Variants in CLYBL observed in about 807,000 individuals in gnomAD.
The protein encoded by CLYBL is citramalyl-CoA lyase, mitochondrial.
Under a neutral mutation model 38.9 loss-of-function variants are expected in CLYBL, and 31 were observed. That is an observed-to-expected ratio of 0.80 (90% CI 0.60 to 1.08). The LOEUF (loss-of-function observed/expected upper bound fraction) is 1.08. Among genes scored for constraint, CLYBL ranks in the 50% least tolerant of loss-of-function variants. The pLI is 0.00. For synonymous variants in CLYBL, 171 were observed against 158.6 expected (o/e 1.08, Z -0.59); for missense variants, 434 against 411.6 (o/e 1.05, Z -0.47).
At chr13:99,754,658 C>T (rs962378504) in intron 1 of CLYBL, among the ~76,000 whole-genome samples, 4 of 151,128 alleles carry the variant, frequency 2.6e-5, no homozygotes, top group African/African-American at 7.3e-5. Context: ...GTTCTCAGCT[C>T]ACTGCAACCT....
chr13:99,645,187 G>T (rs1361851789), intron 1 of CLYBL, among the ~76,000 whole-genome samples: 2 of 152,096 alleles, frequency 1.3e-5, no homozygotes, highest in Non-Finnish European at 2.9e-5. Flanking sequence ...ATTTGTTATT[G>T]CCTATCTTTT....
rs567836752 is a variant in CLYBL, at chr13:99,764,420, C to T, written c.63-8404C>T. On this transcript the variant is annotated intron_variant, in intron 1 of 8. Coordinates refer to ENST00000339105, the MANE Select transcript of CLYBL (RefSeq NM_206808.5). The stretch of plus-strand genomic sequence containing the variant: ...TTATTATGGCTTCAGTATCACTACT[C>T]GTTATTGGTTTATTGAGTTTTCCTA... 2.2e-4 allele frequency among the ~76,000 whole-genome samples: 34 copies of T among 152,156 alleles called. 1 individual carries two copies. The highest frequency in any genetic ancestry group is 3.2e-4 in the Non-Finnish European group (22 of 67,992).
At chr13:99,674,671 T>C (rs1341763901) in intron 1 of CLYBL, among the ~76,000 whole-genome samples, 1 of 152,100 alleles carries the variant, frequency 6.6e-6, no homozygotes, top group Non-Finnish European at 1.5e-5. Flanking sequence ...TGTCTTAATG[T>C]TGGACACTCC....
intron 9 of CLYBL, among the ~76,000 whole-genome samples, chr13:99,906,516 C>T (rs185542990): frequency 2.5e-4 from 38 of 152,066 alleles, no homozygotes; most frequent in African/African-American, 9.2e-4. Context: ...CTCCGCCTCC[C>T]GGGTTCAAGC....
chr13:99,741,914 C>T (rs1371186006), intron 1 of CLYBL, among the ~76,000 whole-genome samples: 2 of 152,198 alleles, frequency 1.3e-5, no homozygotes, highest in Admixed American at 6.5e-5. Flanking sequence ...TACCATTCTG[C>T]ATCAGTAGTT....
At chr13:99,877,939 CT>C (rs962789039) in intron 7 of CLYBL, among the ~76,000 whole-genome samples, 12 of 151,716 alleles carry the variant, frequency 7.9e-5, no homozygotes, top group East Asian at 5.8e-4. Flanking sequence ...CTATAATTGT[CT>C]TTTTTTTCCC....
At chr13:99,625,399 C>T (rs891435123) in intron 1 of CLYBL, among the ~76,000 whole-genome samples, 2 of 152,114 alleles carry the variant, frequency 1.3e-5, no homozygotes, top group African/African-American at 2.4e-5. Flanking sequence ...GCCCAGGGTT[C>T]GGCCAAGGAA....
rs79675964 is a variant in CLYBL at position 99,831,372 on chromosome 13, C to T, written c.250-27489C>T. Among the ~76,000 whole-genome samples the T allele has an allele frequency of 5.1e-3, 780 of 152,100 alleles. 5 individuals are homozygous for T. Among genetic ancestry groups the T allele is most frequent in the African/African-American group, 0.017 (724 of 41,474 alleles). ...TTTCCTAATTAACATCATGGTTGTTCTTACTAATAATAAGAATAAAAGAAC... is the reference window on the plus strand; with the variant it reads ...TTTCCTAATTAACATCATGGTTGTTTTTACTAATAATAAGAATAAAAGAAC... On this transcript the variant is annotated intron_variant, in intron 2 of 8. Coordinates refer to ENST00000339105, the MANE Select transcript of CLYBL (RefSeq NM_206808.5).
Position 99,748,147 on chromosome 13 carries a change from G to A in CLYBL, c.63-24677G>A, listed in dbSNP as rs139927450. Among the ~76,000 whole-genome samples, 95 of 152,124 alleles carry A rather than the reference G, an allele frequency of 6.2e-4. 1 individual carries two copies. Among genetic ancestry groups the A allele is most frequent in the African/African-American group, 2.1e-3 (87 of 41,508 alleles). Reference sequence around the variant, plus strand: ...TGCCTGTAATCCCAGCACTTTGGGAGGCCCAGGTGGGCACTTGAGGTCAGA... The same window carrying A: ...TGCCTGTAATCCCAGCACTTTGGGAAGCCCAGGTGGGCACTTGAGGTCAGA... On this transcript the variant is annotated intron_variant, in intron 1 of 8. Coordinates refer to ENST00000339105, the MANE Select transcript of CLYBL (RefSeq NM_206808.5).
intron 1 of CLYBL, among the ~76,000 whole-genome samples, chr13:99,763,242 G>T (rs975310932): frequency 6.6e-6 from 1 of 152,082 alleles, no homozygotes. Context: ...TCCCTATCTT[G>T]TTCTAGATCT....
rs1013023489 is a variant in CLYBL at position 99,732,353 on chromosome 13, C to G, written c.63-40471C>G. On this transcript the variant is annotated intron_variant, in intron 1 of 8. Coordinates refer to ENST00000339105, the MANE Select transcript of CLYBL (RefSeq NM_206808.5). ...GGACCACAGGCACATCCCACCACAC[C>G]CGGCTAAGTTTTGTATATTTCGTAG... Among the ~76,000 whole-genome samples, 5 of 152,026 alleles carry G rather than the reference C, an allele frequency of 3.3e-5. No individual in the cohort carries two copies. The East Asian group carries it at 5.8e-4, about 18-fold the overall frequency.
chr13:99,663,335 G>T (rs369952458), intron 1 of CLYBL, among the ~76,000 whole-genome samples: 226 of 152,278 alleles, frequency 1.5e-3, no homozygotes, highest in Admixed American at 1.9e-3. Context: ...CTTGAATAGG[G>T]CCACTTTACG....
chr13:99,619,408 G>T (rs1043953232), intron 1 of CLYBL, among the ~76,000 whole-genome samples: 2 of 152,192 alleles, frequency 1.3e-5, no homozygotes, highest in Non-Finnish European at 2.9e-5. Flanking sequence ...GTAAGTTTCT[G>T]TTGTTTATAA....
chr13:99,854,032 G>A (rs377035386), intron 2 of CLYBL, among the ~76,000 whole-genome samples: 2 of 152,148 alleles, frequency 1.3e-5, no homozygotes, highest in African/African-American at 4.8e-5. Flanking sequence ...TTTTGAATAC[G>A]TGGCATGGCA....
At chr13:99,796,625 C>T (rs2050027458) in intron 2 of CLYBL, among the ~76,000 whole-genome samples, 1 of 152,172 alleles carries the variant, frequency 6.6e-6, no homozygotes, top group African/African-American at 2.4e-5. Context: ...AGCTAATAAG[C>T]AAGGAAGCCA....
intron 1 of CLYBL, among the ~76,000 whole-genome samples, chr13:99,754,416 C>CAAAA (rs1172376194): frequency 2.8e-5 from 2 of 71,880 alleles, no homozygotes; most frequent in Non-Finnish European, 5.3e-5. Context: ...GACCCTGTCT[C>CAAAA]AAAAAAAAAA....
chr13:99,663,831 G>C (rs950214689), intron 1 of CLYBL, among the ~76,000 whole-genome samples: 2 of 152,116 alleles, frequency 1.3e-5, no homozygotes, highest in Non-Finnish European at 2.9e-5. Flanking sequence ...AGCTTATTAC[G>C]GGCCTGGCTA....
At chr13:99,750,084 T>C (rs1482333484) in intron 1 of CLYBL, among the ~76,000 whole-genome samples, 2 of 152,142 alleles carry the variant, frequency 1.3e-5, no homozygotes, top group African/African-American at 4.8e-5. Flanking sequence ...TCTGTAACCA[T>C]TGGAATTGCC....
intron 1 of CLYBL, among the ~76,000 whole-genome samples, chr13:99,644,216 G>A (rs987509256): frequency 7.1e-6 from 1 of 141,470 alleles, no homozygotes; most frequent in African/African-American, 2.5e-5. Context: ...GTGTATATGT[G>A]GTGTATGTAT....
Sources: allele counts gnomAD v4.1 joint callset (sites outside exome capture counted in the v4.1 genomes callset), GRCh38; gene constraint gnomAD v4.1.1; transcripts MANE v1.5; gene names NCBI Gene and HGNC (gene_info 2026-07-23, HGNC 2026-07-21).